The following EXOC3L2 variants were observed in gnomAD, a reference collection of about 807,000 sequenced individuals.
The protein encoded by EXOC3L2 is exocyst complex component 3-like protein 2.
In EXOC3L2, 17 loss-of-function variants were observed where a neutral mutation model predicts 44.4. The ratio of observed to expected loss-of-function variants is 0.38; its 90% CI spans 0.26 to 0.57. The LOEUF (loss-of-function observed/expected upper bound fraction) is 0.57, where lower values mean the gene tolerates loss of function less well. Ranked by LOEUF, EXOC3L2 falls within the 20% of genes least tolerant of loss-of-function variation. The pLI is 0.65. For missense variants in EXOC3L2, 541 were observed against 588.4 expected (o/e 0.92, Z 0.83); for synonymous variants, 256 against 253.7 (o/e 1.01, Z -0.09).
At position 45,240,026 on chromosome 19, in the gene EXOC3L2, G is replaced by A. The variant is rs530614864; in HGVS notation, c.-16-965C>T. On this transcript the variant is annotated intron_variant, in intron 1 of 11. Transcript: ENST00000413988. ...CCCCTTCATTTCTCCTGTTTGATTT[G>A]TACCCTTGTCATCTCTCCCTCATTC... Among the ~76,000 whole-genome samples the A allele has an allele frequency of 1.0e-3, 151 of 151,116 alleles. 3 individuals carry two copies. The South Asian group carries it at 0.021, about 21-fold the overall frequency.
At chr19:45,227,279 G>A (rs552624809) in intron 7 of EXOC3L2, among the ~76,000 whole-genome samples, 5 of 142,610 alleles carry the variant, frequency 3.5e-5, no homozygotes, top group South Asian at 2.2e-4. Context: ...CACCATGCCC[G>A]GCTAATTTTT....
intron 2 of EXOC3L2, among the ~76,000 whole-genome samples, chr19:45,237,461 A>T (rs1204402868): frequency 6.6e-6 from 1 of 152,178 alleles, no homozygotes; most frequent in East Asian, 1.9e-4. Flanking sequence ...TGATTGCACC[A>T]CTGCACTCTA....
At chr19:45,213,977 C>T (rs1466032479) in intron 11 of EXOC3L2, among the ~76,000 whole-genome samples, 1 of 151,638 alleles carries the variant, frequency 6.6e-6, no homozygotes, top group Non-Finnish European at 1.5e-5. Context: ...AGAAAGAAAC[C>T]TTGTACCCCA....
chr19:45,220,820 G>C (rs963097793), intron 8 of EXOC3L2, among the ~76,000 whole-genome samples: 1 of 151,704 alleles, frequency 6.6e-6, no homozygotes, highest in Non-Finnish European at 1.5e-5. Flanking sequence ...GAGGAGACGA[G>C]ACTGAGGTAG....
rs79690275 is a variant in EXOC3L2 at position 45,227,546 on chromosome 19, T to G, written c.1583+116A>C. The stretch of plus-strand genomic sequence containing the variant: ...ACTCCCAGATTTTATGCGTCTAAGG[T>G]CCCATGCTCAGACTCCCCTGAGTCA... On this transcript the variant is annotated intron_variant, in intron 7 of 11. Transcript: ENST00000413988. The G allele has an allele frequency of 1.0e-3, 807 of 770,068 alleles. 6 individuals carry two copies. The African/African-American group carries it at 0.012, about 11-fold the overall frequency. The allele number at this position is 770,068 out of a possible 1,614,324, so 47.7% of individuals were successfully genotyped here.
At chr19:45,240,004 C>T (rs1240174281) in intron 1 of EXOC3L2, among the ~76,000 whole-genome samples, 2 of 152,022 alleles carry the variant, frequency 1.3e-5, no homozygotes, top group African/African-American at 2.4e-5. Context: ...CCCTCATCCC[C>T]TTCATTTCTC....
intron 1 of EXOC3L2, among the ~76,000 whole-genome samples, 155 bp from the exon 2 acceptor site, chr19:45,239,216 C>CT (rs34721897): frequency 0.27 from 33,543 of 122,218 alleles, 5,311 homozygotes; most frequent in Non-Finnish European, 0.32. Context: ...AAGATGGGGA[C>CT]TTTTTTTTTT....
intron 1 of EXOC3L2, among the ~76,000 whole-genome samples, chr19:45,240,470 C>T (rs574987825): frequency 5.3e-5 from 8 of 151,830 alleles, no homozygotes; most frequent in Non-Finnish European, 7.4e-5. Flanking sequence ...CTGGAGAGAA[C>T]GGGGAATGGC....
intron 1 of EXOC3L2, among the ~76,000 whole-genome samples, chr19:45,239,988 TAC>T (rs1199030725): frequency 1.3e-5 from 2 of 152,006 alleles, no homozygotes. Flanking sequence ...AGCACCTGCC[TAC>T]ACCCCCTCAT....
intron 8 of EXOC3L2, among the ~76,000 whole-genome samples, chr19:45,222,083 G>GCA (rs370430100): frequency 7.3e-5 from 11 of 151,162 alleles, no homozygotes; most frequent in East Asian, 3.9e-4. Context: ...TGCACACGGC[G>GCA]CACACACACA....
At chr19:45,243,842 C>A (rs774300657) in intron 1 of EXOC3L2, among the ~76,000 whole-genome samples, 1 of 151,912 alleles carries the variant, frequency 6.6e-6, no homozygotes, top group Non-Finnish European at 1.5e-5. Flanking sequence ...ATTGGCCAGG[C>A]TGGTCTCGAA....
chr19:45,232,194 G>T (rs1728547485), intron 3 of EXOC3L2, among the ~76,000 whole-genome samples: 1 of 152,070 alleles, frequency 6.6e-6, no homozygotes, highest in Non-Finnish European at 1.5e-5. Context: ...ATGCTCTGAG[G>T]CCCTGCTGCC....
At chr19:45,218,047 G>C (rs1969855846) in intron 9 of EXOC3L2, 150 bp downstream of exon 9, 1 of 1,139,522 alleles carries the variant, frequency 8.8e-7, no homozygotes, top group Non-Finnish European at 1.2e-6. Context: ...CCATCCACAG[G>C]GAGCCGCTCC....
At chr19:45,228,853 C>G (rs956049396) in intron 4 of EXOC3L2, among the ~76,000 whole-genome samples, 2 of 150,914 alleles carry the variant, frequency 1.3e-5, no homozygotes, top group African/African-American at 4.9e-5. Flanking sequence ...GGGTGGATCA[C>G]GAGGTCAGGA....
intron 3 of EXOC3L2, among the ~76,000 whole-genome samples, chr19:45,233,119 G>T (rs554989535): frequency 6.6e-6 from 1 of 152,290 alleles, no homozygotes; most frequent in East Asian, 1.9e-4. Flanking sequence ...GGGAGGCTGA[G>T]GCAGGAGAAT....
chr19:45,228,351 CT>C, intron 4 of EXOC3L2, 85 bp from the exon 5 acceptor site: 3 of 1,198,826 alleles, frequency 2.5e-6, no homozygotes, highest in Non-Finnish European at 3.6e-6. Context: ...CCACAATCCC[CT>C]AGCCCTTAAC....
intron 2 of EXOC3L2, among the ~76,000 whole-genome samples, chr19:45,236,135 G>A (rs1970082124): frequency 1.3e-5 from 2 of 151,892 alleles, no homozygotes; most frequent in East Asian, 3.9e-4. Context: ...GAGAGGTGGG[G>A]GAGGGGAATG....
At chr19:45,228,867 G>C (rs184344638) in intron 4 of EXOC3L2, among the ~76,000 whole-genome samples, 1 of 150,802 alleles carries the variant, frequency 6.6e-6, no homozygotes, top group Non-Finnish European at 1.5e-5. Flanking sequence ...GTCAGGAGAT[G>C]GAGACCATCC....
chr19:45,217,741 C>T (rs1238297218), intron 9 of EXOC3L2, 58 bp from the exon 10 acceptor site: 21 of 1,381,542 alleles, frequency 1.5e-5, no homozygotes, highest in Admixed American at 3.5e-5. Flanking sequence ...GACTCCCATC[C>T]CGCCAGTCTG....
Sources: gnomAD v4.1 joint callset for allele counts (sites outside exome capture counted in the v4.1 genomes callset) on GRCh38, gnomAD v4.1.1 for gene constraint, MANE v1.5 for transcripts, NCBI Gene and HGNC (gene_info 2026-07-23, HGNC 2026-07-21) for gene names.